Variants in LRP6 observed in about 807,000 individuals in gnomAD.
LRP6 encodes the protein LDL receptor related protein 6, also known as low-density lipoprotein receptor-related protein 6.
In LRP6, 43 loss-of-function variants were observed where a neutral mutation model predicts 184.1. The observed-to-expected ratio is 0.23, with a 90% confidence interval of 0.18 to 0.30. The LOEUF is 0.30. Ranked by LOEUF, LRP6 falls within the 10% of genes least tolerant of loss-of-function variation. The pLI, the probability that LRP6 is intolerant of heterozygous loss-of-function variation, is 1.00. For missense variants in LRP6, 1,571 were observed against 2,005.3 expected (o/e 0.78, Z 4.14); for synonymous variants, 719 against 684.9 (o/e 1.05, Z -0.78).
chr12:12,150,916 A>T lies in LRP6; in HGVS notation c.2914T>A (p.Tyr972Asn). The T allele has an allele frequency of 6.2e-7, 1 of 1,614,164 alleles. No individual in the cohort carries two copies. Among genetic ancestry groups the T allele is most frequent in the Non-Finnish European group, 8.5e-7 (1 of 1,179,988 alleles). Residue 972 changes from tyrosine (Y) to asparagine (N), a missense_variant, in exon 13 of 23, where the codon TAT becomes AAT. Transcript: ENST00000261349. ...TAGAGTTGCTTGTCCAGTGGGTCAT[A>T]GTCAATGGCCCGGACATTCCGAAGG... ...HSLRNVRAIDYDPLDKQLYWI... is the reference protein window; with the variant it reads ...HSLRNVRAIDNDPLDKQLYWI...
chr12:12,201,944 G>T (rs539831849), intron 3 of LRP6, among the ~76,000 whole-genome samples: 8 of 152,060 alleles, frequency 5.3e-5, no homozygotes, highest in African/African-American at 1.9e-4. Context: ...ACTTCTAAAT[G>T]TTCCTTATTC....
rs894582368 is a variant in LRP6, at chr12:12,119,256, A to G, written c.*1870T>C. Reference sequence around the variant, plus strand: ...TTAGGTATTTTTAACTTGCATGAACAGTTACTTCACCCTTGCCCAAATTCT... The same window carrying G: ...TTAGGTATTTTTAACTTGCATGAACGGTTACTTCACCCTTGCCCAAATTCT... On this transcript the variant is annotated 3_prime_UTR_variant, in exon 23 of 23. Transcript: ENST00000261349. 1 of 152,204 alleles carries G rather than the reference A, an allele frequency of 6.6e-6. No individual in the cohort carries two copies. The highest frequency in any genetic ancestry group is 2.4e-5 in the African/African-American group (1 of 41,460). The allele number at this position is 152,204 out of a possible 1,614,324, so 9.4% of individuals were successfully genotyped here.
At chr12:12,181,689 T>C (rs1255143158) in intron 5 of LRP6, among the ~76,000 whole-genome samples, 1 of 152,224 alleles carries the variant, frequency 6.6e-6, no homozygotes, top group Non-Finnish European at 1.5e-5. Context: ...TCATTGGAAT[T>C]AATCCAGCTA....
intron 19 of LRP6, among the ~76,000 whole-genome samples, chr12:12,127,646 G>GAGGC (rs71435891): frequency 0.21 from 31,466 of 151,972 alleles, 3,845 homozygotes; most frequent in African/African-American, 0.34. Flanking sequence ...TGAGCTACCC[G>GAGGC]TTTAAGAAGC....
intron 2 of LRP6, among the ~76,000 whole-genome samples, chr12:12,229,487 TTTTA>T (rs1360336527): frequency 2.6e-5 from 4 of 152,344 alleles, no homozygotes; most frequent in Non-Finnish European, 5.9e-5. Context: ...GACTACTTCA[TTTTA>T]TTTTAGACTC....
intron 2 of LRP6, chr12:12,226,663 A>G (rs1443224705): frequency 2.0e-5 from 3 of 152,284 alleles, no homozygotes; most frequent in Admixed American, 6.5e-5. Context: ...GGAACAGAAT[A>G]TCTAAGAACT....
At position 12,132,880 on chromosome 12, in the gene LRP6, T is replaced by C. The variant is rs145355013; in HGVS notation, c.3734-823A>G. On this transcript the variant is annotated intron_variant, in intron 17 of 22. Transcript: ENST00000261349. Reference sequence around the variant, plus strand: ...CCAACTCAAAATGGAATGTCATTTTTACTTGAAAGAATGACTGACAGGTAA... The same window carrying C: ...CCAACTCAAAATGGAATGTCATTTTCACTTGAAAGAATGACTGACAGGTAA... 9.2e-5 allele frequency among the ~76,000 whole-genome samples: 14 copies of C among 152,338 alleles called. No individual in the cohort carries two copies. The East Asian group carries it at 2.5e-3, about 27-fold the overall frequency.
intron 7 of LRP6, among the ~76,000 whole-genome samples, chr12:12,172,093 T>C (rs992452870): frequency 6.6e-6 from 1 of 152,226 alleles, no homozygotes; most frequent in Non-Finnish European, 1.5e-5. Flanking sequence ...ATCTGACAAC[T>C]CTTAAGGGTG....
At chr12:12,232,028 CA>C (rs1864804618) in intron 2 of LRP6, among the ~76,000 whole-genome samples, 1 of 151,016 alleles carries the variant, frequency 6.6e-6, no homozygotes, top group African/African-American at 2.4e-5. Flanking sequence ...AAAACAAAAA[CA>C]AAACTCAAAC....
At chr12:12,240,886 T>TATG (rs1359253437) in intron 2 of LRP6, among the ~76,000 whole-genome samples, 3 of 152,192 alleles carry the variant, frequency 2.0e-5, no homozygotes, top group Non-Finnish European at 4.4e-5. Context: ...AAGACAACTG[T>TATG]TTACTGTAAC....
chr12:12,211,391 G>A (rs958135851), intron 2 of LRP6, among the ~76,000 whole-genome samples: 1 of 152,192 alleles, frequency 6.6e-6, no homozygotes, highest in Non-Finnish European at 1.5e-5. Flanking sequence ...GCAATGAGCC[G>A]AGATCGTGCC....
intron 2 of LRP6, among the ~76,000 whole-genome samples, chr12:12,220,989 C>T (rs1162662203): frequency 7.2e-5 from 11 of 152,166 alleles, no homozygotes; most frequent in Admixed American, 2.6e-4. Flanking sequence ...GACAAAGTTT[C>T]GTATCTTACA....
At chr12:12,253,935 A>G (rs1038825939) in intron 1 of LRP6, among the ~76,000 whole-genome samples, 1 of 151,812 alleles carries the variant, frequency 6.6e-6, no homozygotes, top group Non-Finnish European at 1.5e-5. Context: ...CTGGAGCCCA[A>G]GAGTTCGAGA....
intron 2 of LRP6, among the ~76,000 whole-genome samples, chr12:12,243,663 G>T (rs768590427): frequency 2.0e-5 from 3 of 152,166 alleles, no homozygotes; most frequent in Non-Finnish European, 4.4e-5. Context: ...TGTAATCCCA[G>T]CACTTGGGGA....
At chr12:12,208,290 G>A (rs1256381087) in intron 2 of LRP6, among the ~76,000 whole-genome samples, 1 of 152,126 alleles carries the variant, frequency 6.6e-6, no homozygotes, top group Non-Finnish European at 1.5e-5. Flanking sequence ...GACTGTAAAG[G>A]GGCTTAAGGC....
intron 2 of LRP6, among the ~76,000 whole-genome samples, chr12:12,217,961 T>A (rs995510564): frequency 6.6e-6 from 1 of 151,982 alleles, no homozygotes; most frequent in African/African-American, 2.4e-5. Context: ...TGATCCAGAA[T>A]TAAAAGAATG....
In LRP6 at chr12:12,130,907, A is replaced by G. The variant is rs763632239; in HGVS notation, c.3971-14T>C. 3 of 1,398,794 alleles carry G rather than the reference A, an allele frequency of 2.1e-6. No homozygotes were observed. The highest frequency in any genetic ancestry group is 3.3e-5 in the Admixed American group (2 of 59,742). The allele number at this position is 1,398,794 out of a possible 1,614,324, so 86.6% of individuals were successfully genotyped here. A position where few individuals can be genotyped will look rare whatever the true frequency, so the allele number is the denominator to read the frequency against. On this transcript the variant is annotated splice_polypyrimidine_tract_variant and intron_variant, in intron 18 of 22. Coordinates refer to ENST00000261349, the MANE Select transcript of LRP6 (RefSeq NM_002336.3). ...TTAAACAAAGCACTGGAAAAAAAAC[A>G]TAAATAGTTTCCTTATTTTTAATAT...
At chr12:12,221,891 A>G (rs910521762) in intron 2 of LRP6, among the ~76,000 whole-genome samples, 2 of 152,230 alleles carry the variant, frequency 1.3e-5, no homozygotes, top group Admixed American at 6.5e-5. Context: ...TGTGTCATCT[A>G]TAATTCTGGC....
intron 9 of LRP6, 59 bp from the exon 10 acceptor site, chr12:12,162,478 G>A (rs1862765107): frequency 6.8e-7 from 1 of 1,465,632 alleles, no homozygotes; most frequent in Non-Finnish European, 9.6e-7. Flanking sequence ...TATCCAGAAA[G>A]AAGGTTTGGT....
Sources: allele counts gnomAD v4.1 joint callset (sites outside exome capture counted in the v4.1 genomes callset), GRCh38; gene constraint gnomAD v4.1.1; transcripts MANE v1.5; gene names NCBI Gene and HGNC (gene_info 2026-07-23, HGNC 2026-07-21).